HS3ST4: variants seen among roughly 807,000 people sequenced by gnomAD.
The protein encoded by HS3ST4 is heparan sulfate-glucosamine 3-sulfotransferase 4, also known as heparan sulfate glucosamine 3-O-sulfotransferase 4.
Under a neutral mutation model 29.2 loss-of-function variants are expected in HS3ST4, and 17 were observed. The ratio of observed to expected loss-of-function variants is 0.58; its 90% CI spans 0.40 to 0.87. HS3ST4 has a LOEUF of 0.87. Among genes scored for constraint, HS3ST4 ranks in the 40% least tolerant of loss-of-function variants. The pLI is 0.00. For synonymous variants in HS3ST4, 314 were observed against 285.7 expected (o/e 1.10, Z -1.00); for missense variants, 627 against 634.5 (o/e 0.99, Z 0.13).
At chr16:25,903,143 C>G (rs1418278445) in intron 1 of HS3ST4, among the ~76,000 whole-genome samples, 1 of 151,598 alleles carries the variant, frequency 6.6e-6, no homozygotes, top group Non-Finnish European at 1.5e-5. Flanking sequence ...AGCATCTTAC[C>G]CCCAAACTCC....
chr16:26,109,382 G>A (rs1443571343), intron 1 of HS3ST4, among the ~76,000 whole-genome samples: 10 of 152,286 alleles, frequency 6.6e-5, no homozygotes, highest in Admixed American at 2.6e-4. Flanking sequence ...GTTGAGGTTT[G>A]TGTGGTAGGC....
intron 1 of HS3ST4, among the ~76,000 whole-genome samples, chr16:26,051,836 C>G (rs1021405502): frequency 2.7e-5 from 4 of 150,330 alleles, no homozygotes; most frequent in African/African-American, 9.8e-5. Flanking sequence ...CACTCCCTCC[C>G]GTCTCTTTCT....
chr16:26,042,354 CTGTGTGTGTGTG>C (rs71732983), intron 1 of HS3ST4, among the ~76,000 whole-genome samples: 6 of 148,452 alleles, frequency 4.0e-5, no homozygotes, highest in Non-Finnish European at 7.5e-5. Flanking sequence ...GCATTTATCT[CTGTGTGTGTGTG>C]TGTGTGTGTG....
At chr16:25,941,958 C>T (rs754129994) in intron 1 of HS3ST4, among the ~76,000 whole-genome samples, 2 of 152,142 alleles carry the variant, frequency 1.3e-5, no homozygotes, top group Non-Finnish European at 2.9e-5. Flanking sequence ...CTCTTTTATC[C>T]TCAGTTATGA....
chr16:25,899,432 G>A (rs994632697), intron 1 of HS3ST4, among the ~76,000 whole-genome samples: 1 of 152,208 alleles, frequency 6.6e-6, no homozygotes, highest in Admixed American at 6.5e-5. Context: ...TGAACCTACA[G>A]AGGAAGGGCC....
chr16:25,931,986 G>GT (rs774621641), intron 1 of HS3ST4, among the ~76,000 whole-genome samples: 11 of 152,044 alleles, frequency 7.2e-5, no homozygotes, highest in Admixed American at 1.3e-4. Context: ...TGGGCTGGAG[G>GT]TTTTTTTAAA....
At chr16:25,926,001 G>A (rs1968399049) in intron 1 of HS3ST4, among the ~76,000 whole-genome samples, 1 of 151,914 alleles carries the variant, frequency 6.6e-6, no homozygotes, top group Non-Finnish European at 1.5e-5. Context: ...TATCTGTATA[G>A]TGAATATTAA....
At chr16:25,787,578 A>G (rs9937178) in intron 1 of HS3ST4, among the ~76,000 whole-genome samples, 6,224 of 152,260 alleles carry the variant, frequency 0.041, 428 homozygotes, top group African/African-American at 0.14. Context: ...AGCACCATAA[A>G]TGGTAGGATG....
chr16:26,098,204 T>C (rs1354197797), intron 1 of HS3ST4, among the ~76,000 whole-genome samples: 1 of 152,158 alleles, frequency 6.6e-6, no homozygotes, highest in Non-Finnish European at 1.5e-5. Context: ...GAACTAGAAA[T>C]ACCATTTGAC....
intron 1 of HS3ST4, among the ~76,000 whole-genome samples, chr16:25,747,269 C>T (rs1486382525): frequency 1.3e-5 from 2 of 152,228 alleles, no homozygotes; most frequent in Non-Finnish European, 2.9e-5. Flanking sequence ...AGATTTCTAG[C>T]CATTACAGGC....
At chr16:25,758,242 A>G (rs149052732) in intron 1 of HS3ST4, among the ~76,000 whole-genome samples, 85 of 152,200 alleles carry the variant, frequency 5.6e-4, no homozygotes, top group African/African-American at 1.8e-3. Flanking sequence ...CCCTTATATC[A>G]TTCCCATTCG....
chr16:25,930,490 A>AT (rs1264735167), intron 1 of HS3ST4, among the ~76,000 whole-genome samples: 1 of 152,142 alleles, frequency 6.6e-6, no homozygotes, highest in Non-Finnish European at 1.5e-5. Flanking sequence ...ATGCTTTAGA[A>AT]TTTTTTTATT....
intron 1 of HS3ST4, chr16:25,826,051 G>A (rs1362701572): frequency 6.6e-6 from 1 of 152,158 alleles, no homozygotes; most frequent in Non-Finnish European, 1.5e-5. Flanking sequence ...TAGTGTCTTT[G>A]CTGAGTCTTA....
At chr16:26,111,853 T>C (rs1021096613) in intron 1 of HS3ST4, among the ~76,000 whole-genome samples, 2 of 151,938 alleles carry the variant, frequency 1.3e-5, no homozygotes, top group African/African-American at 4.8e-5. Flanking sequence ...CCCATCTCTA[T>C]TAAAAATACA....
chr16:25,870,909 G>A (rs1199480786), intron 1 of HS3ST4, among the ~76,000 whole-genome samples: 1 of 152,158 alleles, frequency 6.6e-6, no homozygotes, highest in East Asian at 1.9e-4. Context: ...GAGAGATGAT[G>A]CCTGTTCCAA....
At chr16:25,763,641 A>G (rs1891175052) in intron 1 of HS3ST4, among the ~76,000 whole-genome samples, 1 of 152,174 alleles carries the variant, frequency 6.6e-6, no homozygotes, top group Admixed American at 6.5e-5. Context: ...GGAATATTGC[A>G]GGCAGAGGGA....
At chr16:25,920,599 C>CG (rs1265909308) in intron 1 of HS3ST4, among the ~76,000 whole-genome samples, 1 of 127,754 alleles carries the variant, frequency 7.8e-6, no homozygotes, top group African/African-American at 3.7e-5. Context: ...CACTGCCGCC[C>CG]CCACCCCTCT....
chr16:25,703,933 C>T (rs1444755819), intron 1 of HS3ST4, among the ~76,000 whole-genome samples: 1 of 152,144 alleles, frequency 6.6e-6, no homozygotes. Context: ...TTATTTTCTC[C>T]AGCACATCTA....
intron 1 of HS3ST4, among the ~76,000 whole-genome samples, chr16:25,968,690 C>T (rs550299856): frequency 1.3e-5 from 2 of 152,192 alleles, no homozygotes; most frequent in Non-Finnish European, 2.9e-5. Flanking sequence ...ATCTCTCGCA[C>T]ATTGTATTTC....
Sources: allele counts gnomAD v4.1 joint callset (sites outside exome capture counted in the v4.1 genomes callset), GRCh38; gene constraint gnomAD v4.1.1; transcripts MANE v1.5; gene names NCBI Gene and HGNC (gene_info 2026-07-23, HGNC 2026-07-21).